Variants in FRMPD4 observed in about 807,000 individuals in gnomAD.
FRMPD4 encodes FERM and PDZ domain-containing protein 4.
A neutral mutation model predicts 94.1 loss-of-function variants in FRMPD4; 22 were observed. That is an observed-to-expected ratio of 0.23 (90% CI 0.17 to 0.33). FRMPD4 has a LOEUF of 0.33. Ranked by LOEUF, FRMPD4 falls within the 10% of genes least tolerant of loss-of-function variation. The pLI is 1.00. For synonymous variants in FRMPD4, 631 were observed against 548.6 expected (o/e 1.15, Z -2.10); for missense variants, 1,111 against 1,339.9 (o/e 0.83, Z 2.67).
intron 1 of FRMPD4, among the ~76,000 whole-genome samples, chrX:12,487,967 G>A (rs890342802): frequency 3.8e-4 from 43 of 112,177 alleles, no homozygotes; most frequent in African/African-American, 1.4e-3. Flanking sequence ...TATGTGTTTT[G>A]TTTACATTAT....
In FRMPD4 at chrX:12,170,853, A is replaced by G. The variant is rs192515855; in HGVS notation, c.41+31841A>G. ...TAACATAAATGGCCTGTGAACATCT[A>G]GAAACCCCTTGTTGGGTTAATATGA... is the stretch of plus-strand genomic sequence containing the variant. On this transcript the variant is annotated intron_variant, in intron 1 of 16. Coordinates refer to ENST00000675598, the MANE Select transcript of FRMPD4 (RefSeq NM_001368397.1). Among the ~76,000 whole-genome samples, 104 of 113,055 alleles carry G rather than the reference A, an allele frequency of 9.2e-4. 1 individual carries two copies. The Admixed American group carries it at 9.6e-3, about 10-fold the overall frequency.
chrX:11,996,806 G>A (rs147948699), intron 3 of FRMPD4, among the ~76,000 whole-genome samples: 16 of 111,766 alleles, frequency 1.4e-4, no homozygotes, highest in African/African-American at 3.9e-4. Context: ...ATGTAGTTCC[G>A]CCTTTCAAGG....
At chrX:12,089,298 T>G (rs1474701623) in intron 3 of FRMPD4, among the ~76,000 whole-genome samples, 1 of 112,142 alleles carries the variant, frequency 8.9e-6, no homozygotes, top group Non-Finnish European at 1.9e-5. Flanking sequence ...TATATATGCA[T>G]TTCTATGGAG....
chrX:12,266,521 T>C (rs942655265), intron 1 of FRMPD4, among the ~76,000 whole-genome samples: 55 of 111,459 alleles, frequency 4.9e-4, no homozygotes, highest in African/African-American at 1.7e-3. Context: ...GGAAGTGACA[T>C]AGTAGCATTT....
intron 1 of FRMPD4, among the ~76,000 whole-genome samples, chrX:12,343,713 C>A (rs2055655515): frequency 9.0e-6 from 1 of 111,287 alleles, no homozygotes; most frequent in African/African-American, 3.3e-5. Flanking sequence ...CGTTTTTTAC[C>A]TGCACACGAT....
intron 1 of FRMPD4, among the ~76,000 whole-genome samples, chrX:12,262,909 C>T (rs897175187): frequency 8.9e-6 from 1 of 111,817 alleles, no homozygotes; most frequent in Admixed American, 9.4e-5. Context: ...TTGGAAGTCA[C>T]TGGGCATGTG....
intron 1 of FRMPD4, among the ~76,000 whole-genome samples, chrX:12,186,557 T>C (rs1448892766): frequency 9.0e-6 from 1 of 111,511 alleles, no homozygotes; most frequent in African/African-American, 3.2e-5. Context: ...TCAATATATT[T>C]CGACACCTTG....
chrX:12,013,323 A>C (rs1412661503), intron 3 of FRMPD4, among the ~76,000 whole-genome samples: 2 of 112,005 alleles, frequency 1.8e-5, no homozygotes, highest in East Asian at 2.8e-4. Flanking sequence ...AGGAGTCATC[A>C]ATCAAGCCCT....
At chrX:12,691,142 C>T (rs1047321168) in intron 8 of FRMPD4, among the ~76,000 whole-genome samples, 11 of 111,879 alleles carry the variant, frequency 9.8e-5, no homozygotes, top group Admixed American at 2.8e-4. Context: ...CAAATATCCC[C>T]GATTCTCTTG....
At chrX:12,145,393 G>C (rs1017766558) in intron 1 of FRMPD4, among the ~76,000 whole-genome samples, 3 of 112,125 alleles carry the variant, frequency 2.7e-5, no homozygotes, top group African/African-American at 9.7e-5. Context: ...TGAAGTTCAC[G>C]ATCCAAGTCA....
At chrX:12,065,053 G>T (rs148857410) in intron 3 of FRMPD4, among the ~76,000 whole-genome samples, 1 of 112,001 alleles carries the variant, frequency 8.9e-6, no homozygotes. Flanking sequence ...GAGTAATTAA[G>T]CTTGTGTAGT....
At chrX:12,698,386 A>T (rs2060154866) in intron 9 of FRMPD4, among the ~76,000 whole-genome samples, 2 of 111,697 alleles carry the variant, frequency 1.8e-5, no homozygotes, top group South Asian at 7.5e-4. Context: ...CTGTTATGTC[A>T]ATTAGCAAAT....
At chrX:12,472,394 T>C (rs773377071) in intron 1 of FRMPD4, among the ~76,000 whole-genome samples, 1 of 112,460 alleles carries the variant, frequency 8.9e-6, no homozygotes, top group Admixed American at 9.4e-5. Context: ...AACTTGGAAG[T>C]GCTCTTAAAC....
At chrX:12,433,521 C>G (rs1384643676) in intron 1 of FRMPD4, among the ~76,000 whole-genome samples, 1 of 111,670 alleles carries the variant, frequency 9.0e-6, no homozygotes, top group Non-Finnish European at 1.9e-5. Flanking sequence ...GGTGAAGATA[C>G]TAACAGCAAG....
chrX:12,029,300 T>G (rs1037433741), intron 3 of FRMPD4, among the ~76,000 whole-genome samples: 4 of 112,443 alleles, frequency 3.6e-5, no homozygotes, highest in African/African-American at 1.3e-4. Flanking sequence ...TGTGAATTTC[T>G]TTGGCCCATT....
At chrX:12,487,052 A>C (rs763130226) in intron 1 of FRMPD4, among the ~76,000 whole-genome samples, 5 of 112,622 alleles carry the variant, frequency 4.4e-5, no homozygotes, top group Non-Finnish European at 7.5e-5. Context: ...ATGTGAGACC[A>C]GAATGGGAAA....
At chrX:12,106,742 C>G (rs1043348524) in intron 3 of FRMPD4, among the ~76,000 whole-genome samples, 1 of 111,912 alleles carries the variant, frequency 8.9e-6, no homozygotes, top group African/African-American at 3.2e-5. Context: ...AAATGGCACA[C>G]CAGATTATAT....
chrX:12,122,261 C>G (rs1461250499), intron 3 of FRMPD4, among the ~76,000 whole-genome samples: 10 of 111,613 alleles, frequency 9.0e-5, no homozygotes, highest in African/African-American at 2.9e-4. Flanking sequence ...ACCACTGTAC[C>G]AAACAGCCTA....
intron 1 of FRMPD4, among the ~76,000 whole-genome samples, chrX:11,855,940 G>A (rs1208272436): frequency 1.8e-5 from 2 of 111,587 alleles, no homozygotes; most frequent in Non-Finnish European, 3.8e-5. Flanking sequence ...AACTGTATTA[G>A]TCTGTTCGTA....
Sources: allele counts gnomAD v4.1 joint callset (sites outside exome capture counted in the v4.1 genomes callset), GRCh38; gene constraint gnomAD v4.1.1; transcripts MANE v1.5; gene names NCBI Gene and HGNC (gene_info 2026-07-23, HGNC 2026-07-21).